PCDH7: variants seen among roughly 807,000 people sequenced by gnomAD.
The protein encoded by PCDH7 is protocadherin-7.
A neutral mutation model predicts 58.9 loss-of-function variants in PCDH7; 17 were observed. That is an observed-to-expected ratio of 0.29 (90% CI 0.20 to 0.43). The LOEUF is 0.43. Among genes scored for constraint, PCDH7 ranks in the 20% least tolerant of loss-of-function variants. The pLI is 1.00. For missense variants in PCDH7, 1,274 were observed against 1,441.0 expected (o/e 0.88, Z 1.88); for synonymous variants, 664 against 616.4 (o/e 1.08, Z -1.14).
intron 1 of PCDH7, among the ~76,000 whole-genome samples, chr4:30,777,982 C>T (rs995090805): frequency 2.0e-5 from 3 of 152,046 alleles, no homozygotes; most frequent in African/African-American, 7.2e-5. Context: ...TGTAGTTTGG[C>T]TTTGAGCCAT....
intron 1 of PCDH7, among the ~76,000 whole-genome samples, chr4:30,820,487 G>A (rs1728246156): frequency 1.3e-5 from 2 of 152,016 alleles, no homozygotes; most frequent in African/African-American, 4.8e-5. Flanking sequence ...GAACCACATT[G>A]GCAGCAAACA....
intron 1 of PCDH7, among the ~76,000 whole-genome samples, chr4:30,774,410 G>A (rs973104541): frequency 2.7e-4 from 41 of 152,128 alleles, no homozygotes; most frequent in Admixed American, 5.2e-4. Flanking sequence ...CAAAATTTTG[G>A]AGCAAAATAA....
At chr4:30,769,609 C>T (rs1450635792) in intron 1 of PCDH7, among the ~76,000 whole-genome samples, 4 of 152,032 alleles carry the variant, frequency 2.6e-5, no homozygotes, top group African/African-American at 4.8e-5. Context: ...TGTTAGCATC[C>T]GTTTACATGT....
At chr4:31,112,739 G>A (rs1716482711) in intron 3 of PCDH7, among the ~76,000 whole-genome samples, 1 of 152,050 alleles carries the variant, frequency 6.6e-6, no homozygotes, top group Admixed American at 6.5e-5. Context: ...TTTACAATGT[G>A]GGCACCTGGT....
At chr4:31,130,763 C>T (rs1280504630) in intron 3 of PCDH7, among the ~76,000 whole-genome samples, 3 of 152,124 alleles carry the variant, frequency 2.0e-5, no homozygotes, top group Non-Finnish European at 4.4e-5. Flanking sequence ...CTGGCAATGA[C>T]AAGTGCAGTC....
At position 31,105,963 on chromosome 4, in the gene PCDH7, C is replaced by T. The variant is rs565553974; in HGVS notation, c.*8-36510C>T. On this transcript the variant is annotated intron_variant, in intron 3 of 3. Transcript: ENST00000509759. ...CAGAGCTTGCAGTGAGCCGTAATCGCGCCACTGCACTCCAGCCTAGGTGAC... is the reference window on the plus strand; with the variant it reads ...CAGAGCTTGCAGTGAGCCGTAATCGTGCCACTGCACTCCAGCCTAGGTGAC... Among the ~76,000 whole-genome samples the T allele has an allele frequency of 7.5e-4, 114 of 151,122 alleles. 1 individual carries two copies. Among genetic ancestry groups the T allele is most frequent in the African/African-American group, 2.6e-3 (105 of 41,088 alleles).
intron 1 of PCDH7, among the ~76,000 whole-genome samples, chr4:30,745,786 G>T (rs1717698348): frequency 6.6e-6 from 1 of 152,060 alleles, no homozygotes; most frequent in Admixed American, 6.6e-5. Context: ...GTGTATGTGT[G>T]TGTGTGTGCG....
intron 1 of PCDH7, among the ~76,000 whole-genome samples, chr4:30,754,577 T>A (rs1451174959): frequency 6.6e-6 from 1 of 152,128 alleles, no homozygotes; most frequent in Non-Finnish European, 1.5e-5. Context: ...CTCAAGGTAC[T>A]TTTATTGCTG....
intron 3 of PCDH7, among the ~76,000 whole-genome samples, chr4:31,019,843 T>C (rs1753895094): frequency 6.6e-6 from 1 of 151,946 alleles, no homozygotes; most frequent in Non-Finnish European, 1.5e-5. Flanking sequence ...AGAAGAATTC[T>C]GTTAGCTGCC....
chr4:30,739,933 A>G (rs1002423104), intron 1 of PCDH7, among the ~76,000 whole-genome samples: 2 of 152,238 alleles, frequency 1.3e-5, no homozygotes, highest in African/African-American at 4.8e-5. Context: ...ATGTAAATAC[A>G]TAAATAGCTA....
intron 1 of PCDH7, among the ~76,000 whole-genome samples, chr4:30,861,497 A>G (rs1180669026): frequency 1.3e-5 from 2 of 152,066 alleles, no homozygotes; most frequent in Non-Finnish European, 1.5e-5. Context: ...GTTATTCATT[A>G]TTTTCTGCTG....
At chr4:30,792,091 A>G (rs1724195596) in intron 1 of PCDH7, among the ~76,000 whole-genome samples, 1 of 152,222 alleles carries the variant, frequency 6.6e-6, no homozygotes, top group Non-Finnish European at 1.5e-5. Flanking sequence ...CAGTGTATGA[A>G]CAGAAACAAA....
intron 1 of PCDH7, among the ~76,000 whole-genome samples, chr4:30,786,946 T>G (rs1723477720): frequency 6.6e-6 from 1 of 151,988 alleles, no homozygotes; most frequent in Non-Finnish European, 1.5e-5. Context: ...AAAAAAGGCT[T>G]TAAAATAAGA....
chr4:30,920,631 A>G (rs1353102821), intron 2 of PCDH7, among the ~76,000 whole-genome samples: 2 of 152,186 alleles, frequency 1.3e-5, no homozygotes, highest in African/African-American at 2.4e-5. Flanking sequence ...AGGGCCCACT[A>G]TGAAGGAAGC....
chr4:30,859,189 A>T (rs1215763111), intron 1 of PCDH7, among the ~76,000 whole-genome samples: 1 of 152,112 alleles, frequency 6.6e-6, no homozygotes, highest in Non-Finnish European at 1.5e-5. Flanking sequence ...CCTATCTAAA[A>T]CTGTGGTTTT....
chr4:30,837,671 G>T (rs139424642), intron 1 of PCDH7, among the ~76,000 whole-genome samples: 185 of 151,702 alleles, frequency 1.2e-3, no homozygotes, highest in African/African-American at 4.3e-3. Flanking sequence ...TTTCCTTTAC[G>T]TACCGACAAA....
chr4:30,835,353 T>C (rs547760243), intron 1 of PCDH7, among the ~76,000 whole-genome samples: 43 of 152,102 alleles, frequency 2.8e-4, no homozygotes, highest in Non-Finnish European at 4.9e-4. Context: ...CATTAGATTT[T>C]CACAGGAGTG....
At chr4:31,108,485 T>C (rs1300364876) in intron 3 of PCDH7, among the ~76,000 whole-genome samples, 2 of 150,834 alleles carry the variant, frequency 1.3e-5, no homozygotes, top group African/African-American at 4.9e-5. Flanking sequence ...TTAACTAAGT[T>C]AACTGCTAAT....
At chr4:30,794,582 A>T (rs1724548605) in intron 1 of PCDH7, among the ~76,000 whole-genome samples, 1 of 151,892 alleles carries the variant, frequency 6.6e-6, no homozygotes, top group Non-Finnish European at 1.5e-5. Context: ...TTTCATTGTT[A>T]TGCAAAACCT....
Sources: allele counts gnomAD v4.1 joint callset (sites outside exome capture counted in the v4.1 genomes callset), GRCh38; gene constraint gnomAD v4.1.1; transcripts MANE v1.5; gene names NCBI Gene and HGNC (gene_info 2026-07-23, HGNC 2026-07-21).